Variants in AGK observed in about 807,000 individuals in gnomAD.
AGK encodes acylglycerol kinase.
In AGK, 52 loss-of-function variants were observed where a neutral mutation model predicts 66.4. The ratio of observed to expected loss-of-function variants is 0.78; its 90% CI spans 0.63 to 0.99. AGK has a LOEUF of 0.99. Ranked by LOEUF, AGK falls within the 50% of genes least tolerant of loss-of-function variation. The pLI is 0.00. For synonymous variants in AGK, 182 were observed against 181.1 expected, an observed-to-expected ratio of 1.00 and a Z score of -0.04; for missense variants, 451 against 506.6, an observed-to-expected ratio of 0.89 and a Z score of 1.05.
At chr7:141,563,649 A>G (rs961130789) in intron 2 of AGK, among the ~76,000 whole-genome samples, 3 of 152,198 alleles carry the variant, frequency 2.0e-5, no homozygotes, top group African/African-American at 7.2e-5. Flanking sequence ...GTTGAATGCT[A>G]AACTTTATCA....
rs867264365 is a variant in AGK at position 141,622,980 on chromosome 7, T to A, written c.588+1179T>A. Among the ~76,000 whole-genome samples, 6 of 151,748 alleles carry A rather than the reference T, an allele frequency of 4.0e-5. No homozygotes were observed. The South Asian group carries it at 1.0e-3, about 26-fold the overall frequency. The stretch of plus-strand genomic sequence containing the variant: ...TTAGTGAGAAAGGCATGTTAAAAGT[T>A]GAGATAGGCTGAAAACTAGGCCTTA... On this transcript the variant is annotated intron_variant, in intron 9 of 15. Coordinates refer to ENST00000649286, the MANE Select transcript of AGK (RefSeq NM_018238.4).
intron 11 of AGK, among the ~76,000 whole-genome samples, chr7:141,639,404 G>C (rs114456183): frequency 1.6e-3 from 240 of 152,268 alleles, no homozygotes; most frequent in African/African-American, 5.4e-3. Flanking sequence ...TGAAGAAAAA[G>C]AAAAGAATGT....
At chr7:141,603,783 C>T (rs1055675616) in intron 5 of AGK, among the ~76,000 whole-genome samples, 1 of 152,206 alleles carries the variant, frequency 6.6e-6, no homozygotes, top group African/African-American at 2.4e-5. Flanking sequence ...TGTCCCCTGG[C>T]TCATGTTGTC....
chr7:141,637,349 A>G (rs1797197408), intron 11 of AGK, among the ~76,000 whole-genome samples: 1 of 152,084 alleles, frequency 6.6e-6, no homozygotes, highest in Non-Finnish European at 1.5e-5. Context: ...ATGCTTGTCT[A>G]TGTTAGTACC....
At chr7:141,583,613 G>A (rs1766352197) in intron 2 of AGK, among the ~76,000 whole-genome samples, 1 of 151,932 alleles carries the variant, frequency 6.6e-6, no homozygotes, top group South Asian at 2.1e-4. Flanking sequence ...GATCTAGGAA[G>A]GTGTCCCCAT....
chr7:141,606,609 A>G (rs944386469), intron 5 of AGK, among the ~76,000 whole-genome samples: 1 of 152,212 alleles, frequency 6.6e-6, no homozygotes, highest in Non-Finnish European at 1.5e-5. Flanking sequence ...CGTTAGTGTT[A>G]TAAATTTCCT....
chr7:141,611,110 T>G, intron 5 of AGK, 85 bp from the exon 6 acceptor site: 1 of 801,452 alleles, frequency 1.2e-6, no homozygotes, highest in Non-Finnish European at 2.0e-6. Flanking sequence ...ATGTAAAACT[T>G]TAAAGAAGAT....
intron 11 of AGK, among the ~76,000 whole-genome samples, chr7:141,638,790 G>A (rs935111417): frequency 1.4e-4 from 22 of 152,144 alleles, no homozygotes; most frequent in Non-Finnish European, 1.8e-4. Context: ...TGTGAAGAGA[G>A]ATGAAATTTT....
chr7:141,561,193 C>T (rs1355902677), intron 2 of AGK, among the ~76,000 whole-genome samples: 1 of 152,132 alleles, frequency 6.6e-6, no homozygotes, highest in East Asian at 1.9e-4. Flanking sequence ...AGGTTGGTTC[C>T]ATATTTCTGC....
intron 2 of AGK, among the ~76,000 whole-genome samples, chr7:141,587,786 T>C (rs934924802): frequency 2.0e-5 from 3 of 152,232 alleles, no homozygotes; most frequent in African/African-American, 7.2e-5. Flanking sequence ...ACCTGTTGAA[T>C]TGTCATCGTT....
chr7:141,553,653 A>G (rs1022651555), intron 1 of AGK, among the ~76,000 whole-genome samples: 4 of 152,316 alleles, frequency 2.6e-5, no homozygotes, highest in African/African-American at 9.6e-5. Context: ...GGGCTCTTGA[A>G]TGAAGGAGTG....
rs1587074868 is a variant in AGK at position 141,572,813 on chromosome 7, A to G, written c.101+17246A>G. Among the ~76,000 whole-genome samples, 4 of 151,016 alleles carry G rather than the reference A, an allele frequency of 2.6e-5. 1 individual carries two copies. Among genetic ancestry groups the G allele is most frequent in the Middle Eastern group, 6.9e-3 (2 of 290 alleles). ...AACCCCGACAGGCTATGGGGGGGGG[A>G]AATGTGTTGGATGCCGGGGTAAATT... is the stretch of plus-strand genomic sequence containing the variant. On this transcript the variant is annotated intron_variant, in intron 2 of 15. Transcript: ENST00000649286.
At chr7:141,639,177 T>A (rs533823509) in intron 11 of AGK, among the ~76,000 whole-genome samples, 98 of 152,232 alleles carry the variant, frequency 6.4e-4, no homozygotes, top group African/African-American at 2.3e-3. Context: ...TTTGGCAGCC[T>A]CCAAAAGCTG....
chr7:141,575,118 C>T (rs779673894), intron 2 of AGK, among the ~76,000 whole-genome samples: 72 of 152,096 alleles, frequency 4.7e-4, no homozygotes, highest in African/African-American at 1.6e-3. Context: ...ATTGAGGTGA[C>T]GTAAGTGTGG....
rs1000419786 is a variant in AGK at position 141,555,775 on chromosome 7, A to G, written c.101+208A>G. ...CTTATATCCAGTGGTTAGAGAATAAAGTAGAGACATCAGAAAGGAAGCTAT... is the reference window on the plus strand; with the variant it reads ...CTTATATCCAGTGGTTAGAGAATAAGGTAGAGACATCAGAAAGGAAGCTAT... On this transcript the variant is annotated intron_variant, in intron 2 of 15. Coordinates refer to ENST00000649286, the MANE Select transcript of AGK (RefSeq NM_018238.4). The surrounding 1 kb of genome is among the most constrained non-coding windows in gnomAD (Gnocchi z 4.2). 1.3e-5 allele frequency among the ~76,000 whole-genome samples: 2 copies of G among 152,226 alleles called. No individual in the cohort carries two copies. Among genetic ancestry groups the G allele is most frequent in the Admixed American group, 1.3e-4 (2 of 15,286 alleles).
chr7:141,608,264 C>A (rs969525407), intron 5 of AGK, among the ~76,000 whole-genome samples: 37 of 152,154 alleles, frequency 2.4e-4, no homozygotes, highest in Non-Finnish European at 1.0e-4. Context: ...TTACTATTAA[C>A]TCCTAATAGG....
chr7:141,614,201 A>G (rs768951644), intron 7 of AGK, 23 bp downstream of exon 7: 1 of 1,473,214 alleles, frequency 6.8e-7, no homozygotes, highest in Non-Finnish European at 9.1e-7. Flanking sequence ...GAGTAATTGC[A>G]TTTTAACTTT....
At chr7:141,581,586 G>A (rs952723164) in intron 2 of AGK, among the ~76,000 whole-genome samples, 10 of 151,894 alleles carry the variant, frequency 6.6e-5, no homozygotes, top group Admixed American at 6.5e-4. Flanking sequence ...CATTGAGCGA[G>A]GTAAGGGTGA....
At chr7:141,582,832 C>T (rs942791231) in intron 2 of AGK, among the ~76,000 whole-genome samples, 3 of 151,434 alleles carry the variant, frequency 2.0e-5, no homozygotes, top group Admixed American at 6.6e-5. Flanking sequence ...GGTAGGGGAG[C>T]GGAGGCTGAG....
Sources: gnomAD v4.1 joint callset for allele counts (sites outside exome capture counted in the v4.1 genomes callset) on GRCh38, gnomAD v4.1.1 for gene constraint, Gnocchi (gnomAD v3.1) non-coding constraint, MANE v1.5 for transcripts, NCBI Gene and HGNC (gene_info 2026-07-23, HGNC 2026-07-21) for gene names.